The following SIAE variants were observed in gnomAD, a reference collection of about 807,000 sequenced individuals.
The protein encoded by SIAE is sialate O-acetylesterase.
Under a neutral mutation model 52.6 loss-of-function variants are expected in SIAE, and 39 were observed. That is an observed-to-expected ratio of 0.74 (90% confidence interval 0.57 to 0.97). The LOEUF (loss-of-function observed/expected upper bound fraction) is 0.97. SIAE is among the 50% of genes least tolerant of loss of function. SIAE has a pLI of 0.00. For synonymous variants in SIAE, 233 were observed against 241.4 expected, an observed-to-expected ratio of 0.97 and a Z score of 0.32; for missense variants, 592 against 662.1, an observed-to-expected ratio of 0.89 and a Z score of 1.16.
chr11:124,654,270 G>A (rs1018674522), intron 4 of SIAE: 87 of 985,330 alleles, frequency 8.8e-5, no homozygotes, highest in Non-Finnish European at 1.0e-4. Flanking sequence ...AGAAGGCTCT[G>A]GAGAAAGGAG....
rs1370305636 is a variant in SIAE at position 124,670,135 on chromosome 11, CA to C, written c.68-615del. 3.3e-5 allele frequency among the ~76,000 whole-genome samples: 5 copies of C among 152,188 alleles called. No individual in the cohort carries two copies. The highest frequency in any genetic ancestry group is 7.3e-5 in the Non-Finnish European group (5 of 68,042). ...TTCTAAATAAGCCCTTATAAATACT[CA>C]TGACAAGTCAGCTTCCTTCTCAGGT... On this transcript the variant is annotated intron_variant, in intron 1 of 9. Coordinates refer to ENST00000263593, the MANE Select transcript of SIAE (RefSeq NM_170601.5). The surrounding 1 kb of genome is among the most constrained non-coding windows in gnomAD (Gnocchi z 4.5).
intron 2 of SIAE, among the ~76,000 whole-genome samples, chr11:124,665,994 C>T (rs375018851): frequency 1.5e-4 from 23 of 152,150 alleles, no homozygotes; most frequent in African/African-American, 5.3e-4. Context: ...ATACACACAC[C>T]CCTACCATGT....
At chr11:124,674,048 C>T (rs892887858), upstream of SIAE, 4 of 291,266 alleles carry the variant, frequency 1.4e-5, no homozygotes, top group Non-Finnish European at 2.0e-5. Flanking sequence ...AGCCTCGGAG[C>T]CCTGGGCCGT....
At chr11:124,675,502 T>G, upstream of SIAE, 1 of 1,472,504 alleles carries the variant, frequency 6.8e-7, no homozygotes, top group Non-Finnish European at 9.2e-7. Context: ...CCATCTCCAT[T>G]CTGCAGAAAG....
chr11:124,638,275 C>T (rs1051007884), intron 9 of SIAE, among the ~76,000 whole-genome samples: 4 of 152,184 alleles, frequency 2.6e-5, no homozygotes, highest in African/African-American at 9.7e-5. Context: ...ATGGTTGCTT[C>T]GGCAGAGAAA....
chr11:124,654,917 A>C, intron 3 of SIAE, 124 bp from the exon 4 acceptor site: 1 of 1,112,224 alleles, frequency 9.0e-7, no homozygotes, highest in Non-Finnish European at 1.4e-6. Context: ...TAATAACCAA[A>C]ACCAATGGGC....
chr11:124,673,019 G>C (rs774149368), intron 1 of SIAE, among the ~76,000 whole-genome samples: 3 of 152,100 alleles, frequency 2.0e-5, no homozygotes, highest in African/African-American at 4.8e-5. Context: ...TCTGACCTGC[G>C]CAACAGCCAA....
chr11:124,639,646 A>ACAT, intron 8 of SIAE, 64 bp downstream of exon 8: 1 of 1,607,138 alleles, frequency 6.2e-7, no homozygotes, highest in Non-Finnish European at 8.5e-7. Context: ...TCACCGGTGA[A>ACAT]CATCAGAGTG....
chr11:124,669,006 C>A (rs556464477), intron 2 of SIAE, among the ~76,000 whole-genome samples: 1 of 152,322 alleles, frequency 6.6e-6, no homozygotes, highest in Admixed American at 6.5e-5. Flanking sequence ...ATACCATCTT[C>A]TGTGGAAACC....
At chr11:124,673,946 A>G (rs182325961), upstream of SIAE, 8,754 of 574,542 alleles carry the variant, frequency 0.015, 97 homozygotes, top group Non-Finnish European at 0.019. Flanking sequence ...GCTCGGAGAG[A>G]AAGGAGGTGA....
In SIAE at chr11:124,635,430, T is replaced by C. The variant is rs1428986146; in HGVS notation, c.*1521A>G. On this transcript the variant is annotated 3_prime_UTR_variant, in exon 10 of 10. Transcript: ENST00000263593. ...CTGTTTGGAGCTACACCAGAACCCC[T>C]TGGAACTCTACAGAGGGGTAGAACT... 1 of 152,192 alleles carries C rather than the reference T, an allele frequency of 6.6e-6. No individual in the cohort carries two copies. The highest frequency in any genetic ancestry group is 2.4e-5 in the African/African-American group (1 of 41,440). 9.4% of individuals were successfully genotyped at this position (152,192 alleles called of 1,614,324 possible).
intron 5 of SIAE, 146 bp from the exon 6 acceptor site, chr11:124,648,321 T>G: frequency 1.5e-6 from 1 of 684,892 alleles, no homozygotes; most frequent in South Asian, 1.5e-5. Context: ...ACTCTTTTTC[T>G]TGAAAACATA....
At chr11:124,638,396 T>G in intron 9 of SIAE, 146 bp downstream of exon 9, 1 of 812,080 alleles carries the variant, frequency 1.2e-6, no homozygotes, top group Non-Finnish European at 2.1e-6. Context: ...AATTAACAGC[T>G]GTTTATTTGC....
At position 124,648,074 on chromosome 11, in the gene SIAE, C is replaced by A; in HGVS notation, c.824G>T (p.Trp275Leu). ...LCNMTLKGVV[W>L]YQGESNINYN... Reference sequence around the variant, plus strand: ...GTACACTGAACACTTACCCTGGTACCATACTACCCCTTTCAGAGTCATATT... The same window carrying A: ...GTACACTGAACACTTACCCTGGTACAATACTACCCCTTTCAGAGTCATATT... The change falls in exon 6 of 10, where the codon TGG (tryptophan) becomes TTG (leucine). Residue 275 changes from tryptophan (W) to leucine (L), a missense_variant. Physicochemically the swap from Trp to Leu is moderately conservative, Grantham distance 61. Transcript: ENST00000263593. 1 of 1,612,376 alleles carries A rather than the reference C, an allele frequency of 6.2e-7. No homozygotes were observed. The highest frequency in any genetic ancestry group is 8.5e-7 in the Non-Finnish European group (1 of 1,178,438).
At chr11:124,637,774 G>A (rs141580885) in intron 9 of SIAE, among the ~76,000 whole-genome samples, 9 of 152,342 alleles carry the variant, frequency 5.9e-5, no homozygotes, top group East Asian at 5.8e-4. Flanking sequence ...AGTGGGGTAA[G>A]TGCCAACCAA....
chr11:124,673,962 C>T, upstream of SIAE: 1 of 559,466 alleles, frequency 1.8e-6, no homozygotes, highest in African/African-American at 1.9e-5. Flanking sequence ...GGTGAGGCCG[C>T]TTCCCCACTT....
rs1025841104 is a variant in SIAE, at chr11:124,670,401, T to G, written c.68-880A>C. Among the ~76,000 whole-genome samples the G allele has an allele frequency of 7.9e-5, 12 of 152,220 alleles. No individual in the cohort carries two copies. The highest frequency in any genetic ancestry group is 1.8e-4 in the Non-Finnish European group (12 of 68,040). ...ACATCCAGCCTATATAAAAGTATTTTATTAATACAAACATCCATCCAAATT... is the reference window on the plus strand; with the variant it reads ...ACATCCAGCCTATATAAAAGTATTTGATTAATACAAACATCCATCCAAATT... On this transcript the variant is annotated intron_variant, in intron 1 of 9. Transcript: ENST00000263593. The surrounding 1 kb of genome is among the most constrained non-coding windows in gnomAD (Gnocchi z 4.5).
rs1431553467 is a variant in SIAE at position 124,649,655 on chromosome 11, C to G, written c.686G>C (p.Gly229Ala). 6.2e-7 allele frequency: 1 copy of G among 1,614,172 alleles called. No homozygotes were observed. Among genetic ancestry groups the G allele is most frequent in the Non-Finnish European group, 8.5e-7 (1 of 1,180,026 alleles). Residue 229 changes from glycine (G) to alanine (A), a missense_variant, in exon 5 of 10, where the codon GGA (glycine) becomes GCA (alanine). Gly to Ala is a moderately conservative substitution (Grantham distance 60). Transcript: ENST00000263593. ...GGTPIEAWSS[G>A]RSLKACGVPK... ...GACCCCACAGGCTTTCAGTGACCGTCCAGATGACCAGGCTTCAATGGGTGT... is the reference window on the plus strand; with the variant it reads ...GACCCCACAGGCTTTCAGTGACCGTGCAGATGACCAGGCTTCAATGGGTGT...
intron 7 of SIAE, among the ~76,000 whole-genome samples, chr11:124,640,672 C>A (rs1942830178): frequency 6.6e-6 from 1 of 152,228 alleles, no homozygotes; most frequent in African/African-American, 2.4e-5. Context: ...TCCACACCCT[C>A]TTGCCATGTG....
Sources: gnomAD v4.1 joint callset for allele counts (sites outside exome capture counted in the v4.1 genomes callset) on GRCh38, gnomAD v4.1.1 for gene constraint, Gnocchi (gnomAD v3.1) non-coding constraint, MANE v1.5 for transcripts, NCBI Gene and HGNC (gene_info 2026-07-23, HGNC 2026-07-21) for gene names.